Variants in PPARA observed in about 807,000 individuals in gnomAD.
PPARA encodes peroxisome proliferator-activated receptor alpha.
In PPARA, 22 loss-of-function variants were observed where a neutral mutation model predicts 42.2. The ratio of observed to expected loss-of-function variants is 0.52; its 90% CI spans 0.37 to 0.74. The LOEUF is 0.74. Among genes scored for constraint, PPARA ranks in the 30% least tolerant of loss-of-function variants. The probability of loss-of-function intolerance (pLI) is 0.00; values close to 1 mark genes in which losing one functional copy is unlikely to be tolerated. For synonymous variants in PPARA, 242 were observed against 239.3 expected, an observed-to-expected ratio of 1.01 and a Z score of -0.10; for missense variants, 465 against 608.2, an observed-to-expected ratio of 0.76 and a Z score of 2.48.
Position 46,235,074 on chromosome 22 carries a change from G to A in PPARA, c.1160-59G>A. 6.2e-7 allele frequency: 1 copy of A among 1,610,406 alleles called. No individual in the cohort carries two copies. Among genetic ancestry groups the A allele is most frequent in the Non-Finnish European group, 8.5e-7 (1 of 1,176,922 alleles). On this transcript the variant is annotated intron_variant, in intron 8 of 8. Transcript: ENST00000407236. This position sits in a 1 kb window ranked among gnomAD's most constrained non-coding sequence, Gnocchi z 7.0. The stretch of plus-strand genomic sequence containing the variant: ...ATAGGCATGTTTGGTTCCTGAAACT[G>A]ATAAGCAGTTCTTGGGTGATTATCA...
At chr22:46,210,193 C>A (rs1292504719) in intron 4 of PPARA, among the ~76,000 whole-genome samples, 1 of 151,314 alleles carries the variant, frequency 6.6e-6, no homozygotes, top group Non-Finnish European at 1.5e-5. Flanking sequence ...CCTGTAATCC[C>A]AGCTACTTGG....
intron 4 of PPARA, among the ~76,000 whole-genome samples, chr22:46,207,661 TATTA>T (rs1359314656): frequency 2.0e-4 from 23 of 114,554 alleles, no homozygotes; most frequent in African/African-American, 9.8e-4. Context: ...TTATTATTAT[TATTA>T]TTATTATTAT....
rs1931171474 is a variant in PPARA at position 46,188,852 on chromosome 22, G to A, written c.-42-9490G>A. On this transcript the variant is annotated intron_variant, in intron 3 of 8. Transcript: ENST00000407236. The surrounding 1 kb of genome is among the most constrained non-coding windows in gnomAD (Gnocchi z 5.0). ...GTACTCATGTGTTCCACGAGTTCAAGCCTCAGCCCTGTAAAGTTTGCCTGC... is the reference window on the plus strand; with the variant it reads ...GTACTCATGTGTTCCACGAGTTCAAACCTCAGCCCTGTAAAGTTTGCCTGC... 1 of 152,218 alleles carries A rather than the reference G, an allele frequency of 6.6e-6. No homozygotes were observed. Among genetic ancestry groups the A allele is most frequent in the Admixed American group, 6.5e-5 (1 of 15,284 alleles). 9.4% of individuals were successfully genotyped at this position (152,218 alleles called of 1,614,324 possible). A position where few individuals can be genotyped will look rare whatever the true frequency, so the allele number is the denominator to read the frequency against.
rs1254853283 is a variant in PPARA, at chr22:46,160,154, C to T, written c.-127+8184C>T. 2.0e-5 allele frequency among the ~76,000 whole-genome samples: 3 copies of T among 152,134 alleles called. No individual in the cohort carries two copies. Among genetic ancestry groups the T allele is most frequent in the Non-Finnish European group, 4.4e-5 (3 of 68,036 alleles). ...ATTCCCAGCTAAGGGTGGCAGCTGG[C>T]GGGGATCTTTCCAGCAGAAAGCTGT... On this transcript the variant is annotated intron_variant, in intron 2 of 8. Transcript: ENST00000407236. The surrounding 1 kb of genome is among the most constrained non-coding windows in gnomAD (Gnocchi z 4.5).
chr22:46,158,512 G>A (rs1925666958), intron 2 of PPARA, among the ~76,000 whole-genome samples: 1 of 152,216 alleles, frequency 6.6e-6, no homozygotes, highest in African/African-American at 2.4e-5. Context: ...TTTAGAGGTT[G>A]ACACGTGGAT....
Position 46,163,536 on chromosome 22 carries a change from G to A in PPARA, c.-127+11566G>A, listed in dbSNP as rs1926540601. On this transcript the variant is annotated intron_variant, in intron 2 of 8. Transcript: ENST00000407236. The surrounding 1 kb of genome is among the most constrained non-coding windows in gnomAD (Gnocchi z 4.9). Reference sequence around the variant, plus strand: ...AAGCGGGAAGAGCAGGCTCCTGGCTGTGGCGAGCTTGACTCCATTTGGTTT... The same window carrying A: ...AAGCGGGAAGAGCAGGCTCCTGGCTATGGCGAGCTTGACTCCATTTGGTTT... 6.6e-6 allele frequency: 1 copy of A among 152,246 alleles called. No individual in the cohort carries two copies. Among genetic ancestry groups the A allele is most frequent in the Non-Finnish European group, 1.5e-5 (1 of 68,050 alleles). 9.4% of individuals were successfully genotyped at this position (152,246 alleles called of 1,614,324 possible).
At chr22:46,228,736 TA>T (rs1935651041) in intron 7 of PPARA, among the ~76,000 whole-genome samples, 1 of 152,210 alleles carries the variant, frequency 6.6e-6, no homozygotes, top group Non-Finnish European at 1.5e-5. Context: ...TTTATCATGT[TA>T]AAGACTCAGC....
At chr22:46,158,354 C>G (rs1925634268) in intron 2 of PPARA, among the ~76,000 whole-genome samples, 1 of 152,114 alleles carries the variant, frequency 6.6e-6, no homozygotes, top group Admixed American at 6.6e-5. Flanking sequence ...TTGCAGTGAG[C>G]TGAGATCGCA....
rs1931825808 is a variant in PPARA at position 46,193,432 on chromosome 22, TAAA to T, written c.-42-4909_-42-4907del. ...CTTAATGGTATATTTTTAAATAACT[TAAA>T]GAGTATAATTGGATTGTTGTAACTG... On this transcript the variant is annotated intron_variant, in intron 3 of 8. Transcript: ENST00000407236. This position sits in a 1 kb window ranked among gnomAD's most constrained non-coding sequence, Gnocchi z 5.3. Among the ~76,000 whole-genome samples, 1 of 152,120 alleles carries T rather than the reference TAAA, an allele frequency of 6.6e-6. No homozygotes were observed. The highest frequency in any genetic ancestry group is 2.1e-4 in the South Asian group (1 of 4,820).
At chr22:46,176,710 T>C (rs1458189078) in intron 2 of PPARA, 43 bp from the exon 3 acceptor site, 1 of 152,264 alleles carries the variant, frequency 6.6e-6, no homozygotes, top group Non-Finnish European at 1.5e-5. Context: ...CAAAATACCG[T>C]AAACTGGGTG....
chr22:46,221,334 G>A lies in PPARA; in HGVS notation c.711+1320G>A, dbSNP rs1934986570. ...TACAGTTCACCATGAGATTTGGGTG[G>A]GGACACAGAGCCAAACCATATCATA... is the stretch of plus-strand genomic sequence containing the variant. On this transcript the variant is annotated intron_variant, in intron 7 of 8. Coordinates refer to ENST00000407236, the MANE Select transcript of PPARA (RefSeq NM_005036.6). The surrounding 1 kb of genome is among the most constrained non-coding windows in gnomAD (Gnocchi z 5.9). Among the ~76,000 whole-genome samples the A allele has an allele frequency of 1.3e-5, 2 of 152,128 alleles. No individual in the cohort carries two copies. Among genetic ancestry groups the A allele is most frequent in the Admixed American group, 1.3e-4 (2 of 15,276 alleles).
rs1316642789 is a variant in PPARA, at chr22:46,233,217, A to G, written c.1159+978A>G. Among the ~76,000 whole-genome samples, 1 of 152,184 alleles carries G rather than the reference A, an allele frequency of 6.6e-6. No homozygotes were observed. The highest frequency in any genetic ancestry group is 2.4e-5 in the African/African-American group (1 of 41,442). ...AGTATATTTCCTAATGCAAAATATA[A>G]TATCAGTCAGCAGCCAAGTGGCAGT... On this transcript the variant is annotated intron_variant, in intron 8 of 8. Coordinates refer to ENST00000407236, the MANE Select transcript of PPARA (RefSeq NM_005036.6). This position sits in a 1 kb window ranked among gnomAD's most constrained non-coding sequence, Gnocchi z 7.3.
At chr22:46,220,039 T>C (rs754829733) in intron 7 of PPARA, 25 bp downstream of exon 7, 1 of 1,611,430 alleles carries the variant, frequency 6.2e-7, no homozygotes, top group African/African-American at 1.3e-5. Context: ...CTGTTCTGGG[T>C]TCTCTTGGCA....
Position 46,191,140 on chromosome 22 carries a change from G to A in PPARA, c.-42-7202G>A, listed in dbSNP as rs940212008. ...CCCGGGAGGCGTGGGGTTGCAGTGA[G>A]CCGAGATTGCACAACTGCACTCCAG... On this transcript the variant is annotated intron_variant, in intron 3 of 8. Coordinates refer to ENST00000407236, the MANE Select transcript of PPARA (RefSeq NM_005036.6). This position sits in a 1 kb window ranked among gnomAD's most constrained non-coding sequence, Gnocchi z 4.6. Among the ~76,000 whole-genome samples the A allele has an allele frequency of 6.6e-6, 1 of 152,134 alleles. No homozygotes were observed. The highest frequency in any genetic ancestry group is 1.5e-5 in the Non-Finnish European group (1 of 68,024).
rs946217500 is a variant in PPARA, at chr22:46,238,561, T to C, written c.*3181T>C. The C allele has an allele frequency of 3.3e-5, 5 of 152,248 alleles. No homozygotes were observed. Among genetic ancestry groups the C allele is most frequent in the Non-Finnish European group, 7.3e-5 (5 of 68,046 alleles). The allele number at this position is 152,248 out of a possible 1,614,324, so 9.4% of individuals were successfully genotyped here. A position where few individuals can be genotyped will look rare whatever the true frequency, so the allele number is the denominator to read the frequency against. On this transcript the variant is annotated 3_prime_UTR_variant, in exon 9 of 9. Coordinates refer to ENST00000407236, the MANE Select transcript of PPARA (RefSeq NM_005036.6). This position sits in a 1 kb window ranked among gnomAD's most constrained non-coding sequence, Gnocchi z 8.3. ...TGTTTAAACACGGTTTTTCATTTTCTCAACTTTTAATAGCAAAAAGTGCCA... is the reference window on the plus strand; with the variant it reads ...TGTTTAAACACGGTTTTTCATTTTCCCAACTTTTAATAGCAAAAAGTGCCA...
chr22:46,220,165 G>A, intron 7 of PPARA, 151 bp downstream of exon 7: 3 of 924,558 alleles, frequency 3.2e-6, no homozygotes, highest in South Asian at 2.8e-5. Flanking sequence ...TTCATTCTGA[G>A]ACTCTGAGCT....
At chr22:46,153,940 G>T (rs1924866272) in intron 2 of PPARA, among the ~76,000 whole-genome samples, 1 of 152,096 alleles carries the variant, frequency 6.6e-6, no homozygotes, top group African/African-American at 2.4e-5. Flanking sequence ...ACACTATTTT[G>T]TAACTTGCTT....
chr22:46,232,378 CCA>C lies in PPARA; in HGVS notation c.1159+140_1159+141del, dbSNP rs1279353348. On this transcript the variant is annotated intron_variant, in intron 8 of 8. Coordinates refer to ENST00000407236, the MANE Select transcript of PPARA (RefSeq NM_005036.6). This position sits in a 1 kb window ranked among gnomAD's most constrained non-coding sequence, Gnocchi z 5.3. ...CACATGGTGGGAAGACGTCTGACCC[CCA>C]GTCACTGCTGAGAATTCAGTGGGAA... The C allele has an allele frequency of 2.6e-6, 2 of 779,826 alleles. No homozygotes were observed. The highest frequency in any genetic ancestry group is 3.4e-5 in the African/African-American group (2 of 58,300). 48.3% of individuals were successfully genotyped at this position (779,826 alleles called of 1,614,324 possible).
At position 46,212,766 on chromosome 22, in the gene PPARA, C is replaced by A. The variant is rs1304393397; in HGVS notation, c.209-2407C>A. On this transcript the variant is annotated intron_variant, in intron 4 of 8. Coordinates refer to ENST00000407236, the MANE Select transcript of PPARA (RefSeq NM_005036.6). The surrounding 1 kb of genome is among the most constrained non-coding windows in gnomAD (Gnocchi z 4.2). ...ATCCCAGCATTTTGGGAGGCCAAGG[C>A]GGGCAGATCACTTGAGGTCAGGAGT... Among the ~76,000 whole-genome samples, 1 of 152,104 alleles carries A rather than the reference C, an allele frequency of 6.6e-6. No homozygotes were observed. Among genetic ancestry groups the A allele is most frequent in the African/African-American group, 2.4e-5 (1 of 41,412 alleles).
Sources: gnomAD v4.1 joint callset for allele counts (sites outside exome capture counted in the v4.1 genomes callset) on GRCh38, gnomAD v4.1.1 for gene constraint, Gnocchi (gnomAD v3.1) non-coding constraint, MANE v1.5 for transcripts, NCBI Gene and HGNC (gene_info 2026-07-23, HGNC 2026-07-21) for gene names.